The following AGFG1 variants were observed in gnomAD, a reference collection of about 807,000 sequenced individuals.
The protein encoded by AGFG1 is ArfGAP with FG repeats 1, also known as arf-GAP domain and FG repeat-containing protein 1.
In AGFG1, 10 loss-of-function variants were observed where a neutral mutation model predicts 60.6. The observed-to-expected ratio is 0.16, with a 90% CI of 0.10 to 0.28. The LOEUF (loss-of-function observed/expected upper bound fraction) is 0.28. Among genes scored for constraint, AGFG1 ranks in the 10% least tolerant of loss-of-function variants. AGFG1 has a pLI of 1.00. For synonymous variants in AGFG1, 247 were observed against 242.9 expected (o/e 1.02, Z -0.16); for missense variants, 537 against 676.5 (o/e 0.79, Z 2.29).
intron 5 of AGFG1, among the ~76,000 whole-genome samples, chr2:227,525,995 T>C (rs528041068): frequency 6.6e-6 from 1 of 152,368 alleles, no homozygotes; most frequent in Admixed American, 6.5e-5. Context: ...AATACATGAT[T>C]CTTTTCCATC....
At chr2:227,552,161 C>T (rs778390597) in intron 11 of AGFG1, 44 bp downstream of exon 11, 1 of 1,607,084 alleles carries the variant, frequency 6.2e-7, no homozygotes, top group Non-Finnish European at 8.5e-7. Flanking sequence ...TTTTATGTAT[C>T]CTTTTTATAT....
At chr2:227,477,958 G>T (rs1690334537) in intron 1 of AGFG1, among the ~76,000 whole-genome samples, 1 of 152,014 alleles carries the variant, frequency 6.6e-6, no homozygotes, top group Non-Finnish European at 1.5e-5. Flanking sequence ...TTATGGCTGT[G>T]TCATGCTTTT....
intron 1 of AGFG1, among the ~76,000 whole-genome samples, chr2:227,475,069 G>A (rs911470608): frequency 6.6e-6 from 1 of 152,186 alleles, no homozygotes; most frequent in African/African-American, 2.4e-5. Flanking sequence ...GTATGTGAAA[G>A]ATATTAAATA....
At chr2:227,526,314 C>T (rs2106211858) in intron 5 of AGFG1, among the ~76,000 whole-genome samples, 1 of 152,232 alleles carries the variant, frequency 6.6e-6, no homozygotes, top group Non-Finnish European at 1.5e-5. Flanking sequence ...TCACCTCAGC[C>T]TCCCAGGTAG....
In AGFG1 at chr2:227,524,626, T is replaced by C. The variant is rs528562666; in HGVS notation, c.541-136T>C. 6.6e-5 allele frequency: 59 copies of C among 891,166 alleles called. 2 individuals are homozygous for C. The Admixed American group carries it at 1.3e-3, about 19-fold the overall frequency. 55.2% of individuals were successfully genotyped at this position (891,166 alleles called of 1,614,324 possible). A position where few individuals can be genotyped will look rare whatever the true frequency, so the allele number is the denominator to read the frequency against. On this transcript the variant is annotated intron_variant, in intron 4 of 12. Transcript: ENST00000310078. The stretch of plus-strand genomic sequence containing the variant: ...TTCTCTGTTTTCACAAAAGATTGAG[T>C]GAAAAATGAGAAAGGTTAACTCAGC...
chr2:227,525,160 A>G (rs1206375597), intron 5 of AGFG1, among the ~76,000 whole-genome samples: 1 of 152,118 alleles, frequency 6.6e-6, no homozygotes, highest in Non-Finnish European at 1.5e-5. Flanking sequence ...TGTAATGTCT[A>G]TTTTTTATTC....
In AGFG1 at chr2:227,500,090, C is replaced by T. The variant is rs931363857; in HGVS notation, c.261+8450C>T. Reference sequence around the variant, plus strand: ...GAGTATGCCATGTGGTTATGGGGTACGTTATGAGCTGGTAAGAAGAAAACA... The same window carrying T: ...GAGTATGCCATGTGGTTATGGGGTATGTTATGAGCTGGTAAGAAGAAAACA... On this transcript the variant is annotated intron_variant, in intron 2 of 12. Transcript: ENST00000310078. Among the ~76,000 whole-genome samples the T allele has an allele frequency of 5.9e-5, 9 of 152,232 alleles. No homozygotes were observed. In the South Asian group the frequency reaches 6.2e-4, roughly 11 times the overall value.
chr2:227,477,786 T>G (rs1376577933), intron 1 of AGFG1, among the ~76,000 whole-genome samples: 2 of 151,928 alleles, frequency 1.3e-5, no homozygotes, highest in Non-Finnish European at 2.9e-5. Context: ...TTTTTTGTAT[T>G]TTTAGTAGAG....
intron 1 of AGFG1, 65 bp downstream of exon 1, chr2:227,472,653 AC>A (rs1386085946): frequency 3.3e-6 from 5 of 1,503,546 alleles, no homozygotes; most frequent in Non-Finnish European, 4.5e-6. Flanking sequence ...GGGCGGCGGG[AC>A]CGGGACCCTT....
In AGFG1 at chr2:227,554,637, C is replaced by A; in HGVS notation, c.*142C>A. ...AAAAGCCTGCATTGTGTATTAAACA[C>A]CAGGTAATATGTGCAAAACCGAGGG... On this transcript the variant is annotated 3_prime_UTR_variant, in exon 13 of 13. Coordinates refer to ENST00000310078, the MANE Select transcript of AGFG1 (RefSeq NM_004504.5). 4.5e-6 allele frequency: 3 copies of A among 668,254 alleles called. No individual in the cohort carries two copies. The highest frequency in any genetic ancestry group is 2.4e-5 in the South Asian group (1 of 42,048). The allele number at this position is 668,254 out of a possible 1,614,324, so 41.4% of individuals were successfully genotyped here.
At chr2:227,546,766 G>A (rs1245675427) in intron 10 of AGFG1, among the ~76,000 whole-genome samples, 1 of 152,130 alleles carries the variant, frequency 6.6e-6, no homozygotes, top group Non-Finnish European at 1.5e-5. Context: ...ATTAATAGAG[G>A]TTAAAATAAT....
At chr2:227,489,552 C>T (rs1056618598) in intron 1 of AGFG1, among the ~76,000 whole-genome samples, 1 of 151,972 alleles carries the variant, frequency 6.6e-6, no homozygotes, top group East Asian at 1.9e-4. Flanking sequence ...AATAAAATTT[C>T]GGTTACTTAG....
intron 10 of AGFG1, among the ~76,000 whole-genome samples, chr2:227,547,497 A>T (rs981236010): frequency 6.6e-6 from 1 of 152,214 alleles, no homozygotes; most frequent in Non-Finnish European, 1.5e-5. Flanking sequence ...CACAACAGAA[A>T]AATTAAGCTT....
chr2:227,512,720 AT>A (rs933685479), intron 2 of AGFG1, among the ~76,000 whole-genome samples: 5 of 152,256 alleles, frequency 3.3e-5, no homozygotes, highest in African/African-American at 1.2e-4. Context: ...GTGGATATTG[AT>A]TACTTGTTCA....
chr2:227,474,402 G>A (rs186158568), intron 1 of AGFG1, among the ~76,000 whole-genome samples: 45 of 152,294 alleles, frequency 3.0e-4, no homozygotes, highest in Admixed American at 1.4e-3. Flanking sequence ...AGCAGCAAAT[G>A]TGTAATATCA....
intron 1 of AGFG1, among the ~76,000 whole-genome samples, chr2:227,487,652 G>A: frequency 6.6e-6 from 1 of 151,798 alleles, no homozygotes; most frequent in East Asian, 1.9e-4. Flanking sequence ...TGGGTCAAAT[G>A]GGAGTAATGA....
intron 1 of AGFG1, among the ~76,000 whole-genome samples, chr2:227,473,694 A>G (rs1012882138): frequency 6.6e-6 from 1 of 152,344 alleles, no homozygotes; most frequent in Middle Eastern, 3.4e-3. Flanking sequence ...AAGTATTTTT[A>G]AAACCTTTGC....
At chr2:227,479,900 C>T (rs1690404240) in intron 1 of AGFG1, among the ~76,000 whole-genome samples, 2 of 152,310 alleles carry the variant, frequency 1.3e-5, no homozygotes, top group South Asian at 4.1e-4. Context: ...GGACAGGAAA[C>T]TTATTTGAGT....
At chr2:227,514,658 A>G (rs965944307) in intron 2 of AGFG1, among the ~76,000 whole-genome samples, 14 of 152,178 alleles carry the variant, frequency 9.2e-5, no homozygotes, top group African/African-American at 7.2e-5. Flanking sequence ...TTGGAATTCA[A>G]ACTCATGCAG....
Sources: gnomAD v4.1 joint callset for allele counts (sites outside exome capture counted in the v4.1 genomes callset) on GRCh38, gnomAD v4.1.1 for gene constraint, MANE v1.5 for transcripts, NCBI Gene and HGNC (gene_info 2026-07-23, HGNC 2026-07-21) for gene names.